Variants in BCAR3 observed in about 807,000 individuals in gnomAD.
The protein encoded by BCAR3 is breast cancer anti-estrogen resistance protein 3.
BCAR3 carries 37 observed loss-of-function variants against 80.1 expected under a neutral mutation model. That is an observed-to-expected ratio of 0.46 (90% confidence interval 0.36 to 0.61). The LOEUF (loss-of-function observed/expected upper bound fraction) is 0.61. Ranked by LOEUF, BCAR3 falls within the 20% of genes least tolerant of loss-of-function variation. The pLI, the probability that BCAR3 is intolerant of heterozygous loss-of-function variation, is 0.00. For synonymous variants in BCAR3, 389 were observed against 418.9 expected (o/e 0.93, Z 0.87); for missense variants, 978 against 1,068.2 (o/e 0.92, Z 1.18).
chr1:93,688,707 TGCCTCA>T (rs1474443608), intron 3 of BCAR3, among the ~76,000 whole-genome samples: 1 of 152,180 alleles, frequency 6.6e-6, no homozygotes, highest in East Asian at 1.9e-4. Flanking sequence ...GCAACTCTCC[TGCCTCA>T]GCCTCCCTAG....
chr1:93,710,666 C>T (rs1375114037), intron 2 of BCAR3, among the ~76,000 whole-genome samples: 2 of 152,142 alleles, frequency 1.3e-5, no homozygotes, highest in Admixed American at 6.5e-5. Flanking sequence ...TCCTGTATTC[C>T]CTCCTACCTG....
Position 93,571,245 on chromosome 1 carries a change from A to T in BCAR3, c.1974+425T>A, listed in dbSNP as rs968251218. ...GACCCCAGTCCAGGTACAGTGGCTC[A>T]TGCCTGTAATTCCAGCACTTCGGGA... On this transcript the variant is annotated intron_variant, in intron 9 of 11. Transcript: ENST00000260502. 2.6e-5 allele frequency among the ~76,000 whole-genome samples: 4 copies of T among 151,954 alleles called. No individual in the cohort carries two copies. In the East Asian group the frequency reaches 7.7e-4, roughly 29 times the overall value.
At chr1:93,780,127 A>T (rs1652716624) in intron 2 of BCAR3, among the ~76,000 whole-genome samples, 1 of 151,566 alleles carries the variant, frequency 6.6e-6, no homozygotes. Flanking sequence ...CCCTTACAGG[A>T]CTCCTCTGTG....
intron 2 of BCAR3, among the ~76,000 whole-genome samples, chr1:93,769,988 C>A (rs1652298506): frequency 6.6e-6 from 1 of 152,164 alleles, no homozygotes; most frequent in African/African-American, 2.4e-5. Flanking sequence ...GCAGCGCATC[C>A]CCTCTGTCTT....
intron 2 of BCAR3, 24 bp from the exon 3 acceptor site, chr1:93,642,367 G>A: frequency 6.2e-7 from 1 of 1,602,438 alleles, no homozygotes. Flanking sequence ...ATATAAATAT[G>A]AGAATGGTTG....
At chr1:93,742,967 A>G (rs1170667214) in intron 2 of BCAR3, among the ~76,000 whole-genome samples, 1 of 152,226 alleles carries the variant, frequency 6.6e-6, no homozygotes, top group East Asian at 1.9e-4. Flanking sequence ...AAGAAAATGA[A>G]TATTCTGCTT....
upstream of BCAR3, among the ~76,000 whole-genome samples, chr1:93,683,881 T>A (rs1026535758): frequency 2.6e-5 from 4 of 152,228 alleles, no homozygotes; most frequent in African/African-American, 9.6e-5. Context: ...CTTCAGTTTA[T>A]AAAAATCAAT....
intron 2 of BCAR3, among the ~76,000 whole-genome samples, chr1:93,726,238 T>C (rs1219338518): frequency 6.6e-6 from 1 of 152,070 alleles, no homozygotes; most frequent in Admixed American, 6.6e-5. Context: ...CCAATTTAAA[T>C]ATATTTTTTT....
At chr1:93,668,933 A>C (rs181640915) in intron 2 of BCAR3, among the ~76,000 whole-genome samples, 2 of 152,196 alleles carry the variant, frequency 1.3e-5, no homozygotes, top group Admixed American at 1.3e-4. Flanking sequence ...GCTGGTCTCG[A>C]ACTCCTGACC....
chr1:93,588,976 C>T lies in BCAR3; in HGVS notation c.929+1G>A. On this transcript the variant is annotated splice_donor_variant, in intron 5 of 11. Transcript: ENST00000260502. LOFTEE classifies it high-confidence loss of function. ...GTCCTGCAGAGGAGGCCCTGACCTA[C>T]CTGAGGAGGTTTCCCCTGGGCAAAT... The T allele has an allele frequency of 6.4e-7, 1 of 1,562,944 alleles. No homozygotes were observed. Among genetic ancestry groups the T allele is most frequent in the Non-Finnish European group, 8.7e-7 (1 of 1,149,558 alleles).
chr1:93,641,081 G>C lies in BCAR3; in HGVS notation c.357+1223C>G, dbSNP rs528689012. ...TTTATAAAGCTCTGGCCAGATTCTGGTGTGGTAGCCCTGCAGGTTTAGGAT... is the reference window on the plus strand; with the variant it reads ...TTTATAAAGCTCTGGCCAGATTCTGCTGTGGTAGCCCTGCAGGTTTAGGAT... On this transcript the variant is annotated intron_variant, in intron 3 of 11. Transcript: ENST00000260502. Among the ~76,000 whole-genome samples, 4 of 152,326 alleles carry C rather than the reference G, an allele frequency of 2.6e-5. No individual in the cohort carries two copies. The South Asian group carries it at 8.3e-4, about 32-fold the overall frequency.
intron 2 of BCAR3, among the ~76,000 whole-genome samples, chr1:93,751,983 T>C (rs965285255): frequency 6.6e-6 from 1 of 152,246 alleles, no homozygotes; most frequent in African/African-American, 2.4e-5. Context: ...CAGCTGAGAA[T>C]GCATCTCTTT....
At position 93,776,382 on chromosome 1, in the gene BCAR3, T is replaced by C. The variant is rs117984192; in HGVS notation, c.-63+69185A>G. On this transcript the variant is annotated intron_variant, in intron 2 of 13. Transcript: ENST00000370244. ...TGTCTTCCCACCCCCAAACATGCCA[T>C]TTTATCTGCGGAAATGTACTACTGT... 3.0e-3 allele frequency among the ~76,000 whole-genome samples: 458 copies of C among 152,280 alleles called. 19 individuals carry two copies. In the East Asian group the frequency reaches 0.08, roughly 27 times the overall value.
Position 93,582,610 on chromosome 1 carries a change from T to G in BCAR3, c.1377A>C (p.Thr459=). 1 of 1,613,942 alleles carries G rather than the reference T, an allele frequency of 6.2e-7. No individual in the cohort carries two copies. Residue 459 remains threonine, a synonymous_variant, in exon 7 of 12, where the codon ACA becomes ACC. Transcript: ENST00000260502. ...GACCTGGCGCCTCATTCTGCTTGGC[T>G]GTGAGCAGTTCTGTGTGGCTTCCCT... The part of the protein sequence containing the change: ...CAQGSHTELL[T]AKQNEAPGPR...
At chr1:93,707,335 A>G (rs1389833420) in intron 2 of BCAR3, among the ~76,000 whole-genome samples, 1 of 152,242 alleles carries the variant, frequency 6.6e-6, no homozygotes, top group Non-Finnish European at 1.5e-5. Flanking sequence ...TACAGTAATT[A>G]AATAAAACAG....
intron 3 of BCAR3, among the ~76,000 whole-genome samples, chr1:93,609,459 C>A (rs1320812141): frequency 2.6e-5 from 4 of 152,138 alleles, no homozygotes; most frequent in Admixed American, 6.5e-5. Flanking sequence ...CAAGGTAATT[C>A]CCGTCTCTTA....
At chr1:93,579,810 G>C (rs1025486175) in intron 7 of BCAR3, among the ~76,000 whole-genome samples, 4 of 152,230 alleles carry the variant, frequency 2.6e-5, no homozygotes, top group Non-Finnish European at 4.4e-5. Flanking sequence ...CCAGGCCAGA[G>C]TCTCCCTCCT....
chr1:93,771,280 C>T (rs976048320), intron 2 of BCAR3, among the ~76,000 whole-genome samples: 1 of 152,104 alleles, frequency 6.6e-6, no homozygotes, highest in Admixed American at 6.6e-5. Flanking sequence ...GAGCCCATAC[C>T]CACAGCCACC....
chr1:93,842,549 GA>G (rs1654998113), intron 2 of BCAR3, among the ~76,000 whole-genome samples: 1 of 152,118 alleles, frequency 6.6e-6, no homozygotes, highest in South Asian at 2.1e-4. Flanking sequence ...ACGGTTTTCT[GA>G]AAAGATGAAG....
Sources: gnomAD v4.1 joint callset for allele counts (sites outside exome capture counted in the v4.1 genomes callset) on GRCh38, gnomAD v4.1.1 for gene constraint, MANE v1.5 for transcripts, NCBI Gene and HGNC (gene_info 2026-07-23, HGNC 2026-07-21) for gene names.